DIAPH2: variants seen among roughly 807,000 people sequenced by gnomAD.
The protein encoded by DIAPH2 is diaphanous related formin 2.
A neutral mutation model predicts 92.7 loss-of-function variants in DIAPH2; 35 were observed. The ratio of observed to expected loss-of-function variants is 0.38; its 90% CI spans 0.29 to 0.50. The LOEUF is 0.50. DIAPH2 is among the 20% of genes least tolerant of loss of function. DIAPH2 has a pLI of 0.94. For synonymous variants in DIAPH2, 301 were observed against 280.4 expected (o/e 1.07, Z -0.73); for missense variants, 701 against 819.5 (o/e 0.86, Z 1.77).
intron 23 of DIAPH2, among the ~76,000 whole-genome samples, chrX:97,339,924 G>GTT (rs2147679026): frequency 8.9e-6 from 1 of 111,902 alleles, no homozygotes; most frequent in African/African-American, 3.2e-5. Flanking sequence ...TTTATTTTAG[G>GTT]TTATAAATTA....
At chrX:97,394,513 T>G (rs1487494180) in intron 25 of DIAPH2, among the ~76,000 whole-genome samples, 2 of 111,894 alleles carry the variant, frequency 1.8e-5, no homozygotes, top group Non-Finnish European at 1.9e-5. Flanking sequence ...TAGATTTGAT[T>G]TTTCAGTGAA....
At chrX:97,245,491 T>G (rs1440914928) in intron 22 of DIAPH2, among the ~76,000 whole-genome samples, 1 of 110,711 alleles carries the variant, frequency 9.0e-6, no homozygotes, top group African/African-American at 3.3e-5. Context: ...TAGGCTGCTC[T>G]CGAACTCCTG....
At chrX:97,438,427 G>A (rs2070217446) in intron 26 of DIAPH2, among the ~76,000 whole-genome samples, 2 of 92,489 alleles carry the variant, frequency 2.2e-5, no homozygotes, top group Non-Finnish European at 4.1e-5. Flanking sequence ...GTGCAGTGGT[G>A]CGATCACCAC....
intron 20 of DIAPH2, among the ~76,000 whole-genome samples, chrX:97,108,174 A>AT (rs1190529123): frequency 1.5e-4 from 16 of 109,091 alleles, no homozygotes; most frequent in Admixed American, 8.8e-4. Flanking sequence ...CACTTCTTTT[A>AT]TTTTTTTTTA....
chrX:96,872,669 T>C (rs1336387202), intron 4 of DIAPH2, among the ~76,000 whole-genome samples: 2 of 109,174 alleles, frequency 1.8e-5, no homozygotes, highest in Non-Finnish European at 3.8e-5. Context: ...TTTTTTTGTA[T>C]TTTTAGTAGA....
intron 23 of DIAPH2, among the ~76,000 whole-genome samples, chrX:97,290,636 C>T (rs1214012894): frequency 8.9e-6 from 1 of 112,197 alleles, no homozygotes; most frequent in Non-Finnish European, 1.9e-5. Flanking sequence ...GGAAGTTGGC[C>T]CTGGGTTTAA....
chrX:96,978,553 A>G (rs2065975943), intron 17 of DIAPH2, among the ~76,000 whole-genome samples: 2 of 110,706 alleles, frequency 1.8e-5, no homozygotes, highest in African/African-American at 6.6e-5. Flanking sequence ...GCTTCTAGGA[A>G]TACAGCTGCA....
intron 23 of DIAPH2, among the ~76,000 whole-genome samples, chrX:97,276,491 T>C (rs958682745): frequency 9.0e-6 from 1 of 111,251 alleles, no homozygotes; most frequent in African/African-American, 3.3e-5. Context: ...CACATCTTGT[T>C]TTGCACTTCT....
chrX:97,394,291 C>G (rs1406636991), intron 25 of DIAPH2, among the ~76,000 whole-genome samples: 1 of 111,782 alleles, frequency 8.9e-6, no homozygotes, highest in Non-Finnish European at 1.9e-5. Context: ...TGCTAATAAA[C>G]AGCTCATAGA....
In DIAPH2 at chrX:96,779,830, TA is replaced by T. The variant is rs60334144; in HGVS notation, c.447+21577del. On this transcript the variant is annotated intron_variant, in intron 4 of 26. Coordinates refer to ENST00000324765, the MANE Select transcript of DIAPH2 (RefSeq NM_006729.5). ...AATGCTTTTCAGCCTATCTTCCTTG[TA>T]AAAAGCTGTTCACCTTAGGCTTTTG... is the stretch of plus-strand genomic sequence containing the variant. Among the ~76,000 whole-genome samples, 3 of 112,686 alleles carry T rather than the reference TA, an allele frequency of 2.7e-5. No homozygotes were observed. In the East Asian group the frequency reaches 8.3e-4, roughly 31 times the overall value.
chrX:97,456,865 G>A (rs774106085), intron 26 of DIAPH2, among the ~76,000 whole-genome samples: 211 of 110,981 alleles, frequency 1.9e-3, no homozygotes, highest in African/African-American at 6.7e-3. Context: ...ATCTGTGAAC[G>A]TTTCTGTAAG....
chrX:97,388,904 C>T (rs2069626844), intron 25 of DIAPH2, among the ~76,000 whole-genome samples: 1 of 111,592 alleles, frequency 9.0e-6, no homozygotes, highest in Non-Finnish European at 1.9e-5. Flanking sequence ...TGTCATAAAT[C>T]TCTTCACAGT....
At chrX:96,960,989 T>G (rs1422258452) in intron 16 of DIAPH2, among the ~76,000 whole-genome samples, 1 of 111,978 alleles carries the variant, frequency 8.9e-6, no homozygotes, top group Non-Finnish European at 1.9e-5. Context: ...TGCTGTTGGA[T>G]TCAGTTCCCT....
intron 23 of DIAPH2, among the ~76,000 whole-genome samples, chrX:97,275,310 C>T (rs868863749): frequency 9.5e-5 from 3 of 31,557 alleles, no homozygotes; most frequent in Admixed American, 4.1e-4. Context: ...GCGGCTGGCC[C>T]GGCGGGGGCT....
At chrX:96,780,065 A>G (rs1384426673) in intron 4 of DIAPH2, among the ~76,000 whole-genome samples, 1 of 112,308 alleles carries the variant, frequency 8.9e-6, no homozygotes, top group African/African-American at 3.2e-5. Flanking sequence ...AAGAGATGCT[A>G]TTTTAACTGT....
At chrX:97,275,372 G>GC (rs751179241) in intron 23 of DIAPH2, among the ~76,000 whole-genome samples, 144 of 99,839 alleles carry the variant, frequency 1.4e-3, no homozygotes, top group African/African-American at 4.3e-3. Context: ...GGCGGGGGCT[G>GC]CCCCCCCCAC....
intron 9 of DIAPH2, among the ~76,000 whole-genome samples, chrX:96,929,376 T>C (rs1416339888): frequency 1.8e-5 from 2 of 111,527 alleles, no homozygotes; most frequent in African/African-American, 6.5e-5. Flanking sequence ...CTAAGTGTTT[T>C]ATCTTGATAC....
At chrX:96,956,235 T>C (rs1161233571) in intron 15 of DIAPH2, among the ~76,000 whole-genome samples, 6 of 112,854 alleles carry the variant, frequency 5.3e-5, no homozygotes, top group Non-Finnish European at 1.1e-4. Context: ...TGTCTTGAAA[T>C]GTACCATGAC....
At chrX:97,252,914 G>A (rs1015588485) in intron 23 of DIAPH2, among the ~76,000 whole-genome samples, 2 of 111,391 alleles carry the variant, frequency 1.8e-5, no homozygotes, top group Admixed American at 9.6e-5. Context: ...ACTGTTCAGG[G>A]AGAGGAGGGT....
Sources: allele counts gnomAD v4.1 joint callset (sites outside exome capture counted in the v4.1 genomes callset), GRCh38; gene constraint gnomAD v4.1.1; transcripts MANE v1.5; gene names NCBI Gene and HGNC (gene_info 2026-07-23, HGNC 2026-07-21).